GALNT17: variants seen among roughly 807,000 people sequenced by gnomAD.
GALNT17 encodes the protein UDP-GalNAc:polypeptide N-acetylgalactosaminyltransferase-like 3.
A neutral mutation model predicts 63.7 loss-of-function variants in GALNT17; 29 were observed. That is an observed-to-expected ratio of 0.46 (90% CI 0.34 to 0.62). GALNT17 has a LOEUF of 0.62. Among genes scored for constraint, GALNT17 ranks in the 20% least tolerant of loss-of-function variants. The pLI is 0.01. For missense variants in GALNT17, 603 were observed against 799.6 expected (o/e 0.75, Z 2.97); for synonymous variants, 305 against 318.3 (o/e 0.96, Z 0.45).
At chr7:71,160,724 G>A (rs1035388659) in intron 1 of GALNT17, among the ~76,000 whole-genome samples, 1 of 152,174 alleles carries the variant, frequency 6.6e-6, no homozygotes, top group African/African-American at 2.4e-5. Flanking sequence ...CCCCCAAAGT[G>A]TTGGGATTAC....
At chr7:71,155,066 A>G (rs894612967) in intron 1 of GALNT17, among the ~76,000 whole-genome samples, 3 of 151,734 alleles carry the variant, frequency 2.0e-5, no homozygotes, top group Non-Finnish European at 4.4e-5. Context: ...CTTTCATTCA[A>G]GTTTCTGACA....
rs1554338078 is a variant in GALNT17, at chr7:71,201,239, T to TATATATATATATATATATA, written c.238+68199_238+68200insATATATATATATATATATA. Among the ~76,000 whole-genome samples, 769 of 101,432 alleles carry TATATATATATATATATATA rather than the reference T, an allele frequency of 7.6e-3. 25 individuals carry two copies. Among genetic ancestry groups the TATATATATATATATATATA allele is most frequent in the African/African-American group, 0.028 (722 of 26,030 alleles). 66.5% of individuals were successfully genotyped at this position (101,432 alleles called of 152,430 possible). On this transcript the variant is annotated intron_variant, in intron 1 of 10. Transcript: ENST00000333538. Reference sequence around the variant, plus strand: ...TTTGTATGGGGGTGTGTGTGTTTATTTTTATATATATATATATAATTTGTG... The same window carrying TATATATATATATATATATA: ...TTTGTATGGGGGTGTGTGTGTTTATTATATATATATATATATATATTTATATATATATATATAATTTGTG...
intron 9 of GALNT17, among the ~76,000 whole-genome samples, chr7:71,703,335 C>G (rs1003396426): frequency 6.6e-6 from 1 of 152,074 alleles, no homozygotes; most frequent in Middle Eastern, 3.2e-3. Flanking sequence ...AGCTTTTGCC[C>G]ATGACGGAAG....
chr7:71,648,997 G>A (rs1212212207), intron 6 of GALNT17, among the ~76,000 whole-genome samples: 1 of 152,220 alleles, frequency 6.6e-6, no homozygotes, highest in African/African-American at 2.4e-5. Flanking sequence ...CCCAGTTCTA[G>A]GTGATGTCTT....
At chr7:71,262,622 G>A (rs1003663795) in intron 1 of GALNT17, among the ~76,000 whole-genome samples, 1 of 151,332 alleles carries the variant, frequency 6.6e-6, no homozygotes, top group Non-Finnish European at 1.5e-5. Flanking sequence ...TTAAAATGAG[G>A]TCTTTAGAGT....
chr7:71,391,309 C>G (rs1178328173), intron 3 of GALNT17, among the ~76,000 whole-genome samples: 3 of 152,066 alleles, frequency 2.0e-5, no homozygotes, highest in Non-Finnish European at 4.4e-5. Context: ...TAGGTAGAGC[C>G]CAGCCCAGGA....
At chr7:71,222,091 G>A (rs952663619) in intron 1 of GALNT17, among the ~76,000 whole-genome samples, 8 of 151,596 alleles carry the variant, frequency 5.3e-5, no homozygotes, top group African/African-American at 1.9e-4. Flanking sequence ...TTTTTTAGTA[G>A]AGATGGGGTT....
chr7:71,628,812 A>T (rs1204611836), intron 6 of GALNT17, among the ~76,000 whole-genome samples: 1 of 151,946 alleles, frequency 6.6e-6, no homozygotes, highest in Non-Finnish European at 1.5e-5. Context: ...AACGCCTGTA[A>T]TCCCAGCTAC....
In GALNT17 at chr7:71,530,243, T is replaced by C. The variant is rs114802265; in HGVS notation, c.963-41042T>C. ...TATCTGGATTGACTGAGGTTTTGTT[T>C]TGAGTTGGGTTTATGTCTAACCTTT... On this transcript the variant is annotated intron_variant, in intron 5 of 10. Coordinates refer to ENST00000333538, the MANE Select transcript of GALNT17 (RefSeq NM_022479.3). 9.4e-3 allele frequency among the ~76,000 whole-genome samples: 1,433 copies of C among 152,236 alleles called. 15 individuals are homozygous for C. The highest frequency in any genetic ancestry group is 0.033 in the African/African-American group (1,368 of 41,536).
chr7:71,201,440 A>G (rs10269114), intron 1 of GALNT17, among the ~76,000 whole-genome samples: 2,010 of 151,956 alleles, frequency 0.013, 41 homozygotes, highest in African/African-American at 0.046. Flanking sequence ...TACACATTCA[A>G]AACTCTTACA....
intron 9 of GALNT17, among the ~76,000 whole-genome samples, chr7:71,694,380 T>C (rs895725544): frequency 3.5e-4 from 46 of 129,596 alleles, no homozygotes; most frequent in African/African-American, 1.3e-3. Context: ...TTTTTTGAGA[T>C]GGAGTCTCAC....
chr7:71,193,965 A>G (rs972949279), intron 1 of GALNT17, among the ~76,000 whole-genome samples: 6 of 152,224 alleles, frequency 3.9e-5, no homozygotes, highest in Non-Finnish European at 4.4e-5. Context: ...TAGAGGTATC[A>G]AGCATTCTTG....
chr7:71,592,561 T>TAAAATAAAATA (rs1320144082), intron 6 of GALNT17, among the ~76,000 whole-genome samples: 3 of 38,850 alleles, frequency 7.7e-5, no homozygotes, highest in Non-Finnish European at 2.0e-4. Context: ...TAGCATAGCA[T>TAAAATAAAATA]ACTAAAATAA....
At position 71,475,591 on chromosome 7, in the gene GALNT17, G is replaced by A. The variant is rs570508923; in HGVS notation, c.962+54486G>A. Among the ~76,000 whole-genome samples the A allele has an allele frequency of 5.9e-5, 9 of 152,234 alleles. No individual in the cohort carries two copies. In the South Asian group the frequency reaches 8.3e-4, roughly 14 times the overall value. The stretch of plus-strand genomic sequence containing the variant: ...AATGCAGATGAAGCTTCGCTGGCTC[G>A]CCCACCACTCACCTCCTGCTATGTG... On this transcript the variant is annotated intron_variant, in intron 5 of 10. Transcript: ENST00000333538.
At chr7:71,419,975 C>T (rs78455828) in intron 4 of GALNT17, among the ~76,000 whole-genome samples, 5,595 of 152,298 alleles carry the variant, frequency 0.037, 173 homozygotes, top group East Asian at 0.12. Context: ...GGGTTGTCGA[C>T]TGTGTGTTCT....
At chr7:71,701,414 G>A (rs1327996491) in intron 9 of GALNT17, among the ~76,000 whole-genome samples, 4 of 151,968 alleles carry the variant, frequency 2.6e-5, no homozygotes, top group African/African-American at 9.7e-5. Flanking sequence ...TTGAACTCAG[G>A]AGGTGGAGGT....
At chr7:71,627,716 C>T (rs189329386) in intron 6 of GALNT17, among the ~76,000 whole-genome samples, 5 of 152,222 alleles carry the variant, frequency 3.3e-5, no homozygotes, top group African/African-American at 7.2e-5. Context: ...CTAACTCTAA[C>T]GGACAAGGGA....
In GALNT17 at chr7:71,235,646, C is replaced by T. The variant is rs531521732; in HGVS notation, c.239-99904C>T. 1.5e-4 allele frequency among the ~76,000 whole-genome samples: 23 copies of T among 152,336 alleles called. No individual in the cohort carries two copies. The South Asian group carries it at 4.8e-3, about 32-fold the overall frequency. On this transcript the variant is annotated intron_variant, in intron 1 of 10. Coordinates refer to ENST00000333538, the MANE Select transcript of GALNT17 (RefSeq NM_022479.3). ...TGAAAAGTCAGGCTTTTATCAATCT[C>T]CCAGCACCGCATTCAGGCTCCCAGT... is the stretch of plus-strand genomic sequence containing the variant.
intron 1 of GALNT17, among the ~76,000 whole-genome samples, chr7:71,222,491 C>T (rs1046783814): frequency 3.9e-5 from 6 of 152,098 alleles, no homozygotes; most frequent in African/African-American, 1.4e-4. Flanking sequence ...AAGGTTTCTC[C>T]ATGTTGTCCA....
Sources: allele counts gnomAD v4.1 joint callset (sites outside exome capture counted in the v4.1 genomes callset), GRCh38; gene constraint gnomAD v4.1.1; transcripts MANE v1.5; gene names NCBI Gene and HGNC (gene_info 2026-07-23, HGNC 2026-07-21).